Variants in C11orf65 observed in about 807,000 individuals in gnomAD.
C11orf65 encodes chromosome 11 open reading frame 65, also known as protein MFI.
A neutral mutation model predicts 35.3 loss-of-function variants in C11orf65; 38 were observed. The observed-to-expected ratio is 1.08, with a 90% confidence interval of 0.83 to 1.41. C11orf65 has a LOEUF of 1.41. Ranked by LOEUF, C11orf65 falls within the 40% of genes most tolerant of loss-of-function variation. The pLI, the probability that C11orf65 is intolerant of heterozygous loss-of-function variation, is 0.00. For synonymous variants in C11orf65, 105 were observed against 114.4 expected (o/e 0.92, Z 0.53); for missense variants, 370 against 367.1 (o/e 1.01, Z -0.06).
intron 3 of C11orf65, among the ~76,000 whole-genome samples, 182 bp downstream of exon 3, chr11:108,431,564 T>C (rs1374800954): frequency 6.6e-6 from 1 of 152,200 alleles, no homozygotes; most frequent in Non-Finnish European, 1.5e-5. Context: ...GACGGTTACA[T>C]AGGTGTTTGC....
rs1565519254 is a variant in C11orf65 at position 108,325,552 on chromosome 11, C to A, written c.641-16481G>T. 6.3e-7 allele frequency: 1 copy of A among 1,576,348 alleles called. No homozygotes were observed. Among genetic ancestry groups the A allele is most frequent in the Non-Finnish European group, 8.7e-7 (1 of 1,149,930 alleles). ...ACTTTCAAGAACACTCAGGTAAATA[C>A]AATTTAAAACTATGTCATCTTACCT... On this transcript the variant is annotated intron_variant, in intron 6 of 6. Coordinates refer to the C11orf65 transcript ENST00000525729.
At chr11:108,386,466 CA>C (rs1357119102) in intron 7 of C11orf65, among the ~76,000 whole-genome samples, 1 of 152,196 alleles carries the variant, frequency 6.6e-6, no homozygotes, top group Non-Finnish European at 1.5e-5. Context: ...GCTGTCTTTG[CA>C]GTGTCCAGAA....
intron 1 of C11orf65, among the ~76,000 whole-genome samples, chr11:108,462,192 T>G (rs2093481043): frequency 6.6e-6 from 1 of 152,084 alleles, no homozygotes; most frequent in African/African-American, 2.4e-5. Context: ...TACAGGCACA[T>G]GCTACGATGC....
intron 6 of C11orf65, among the ~76,000 whole-genome samples, chr11:108,404,409 T>C (rs2092498637): frequency 6.6e-6 from 1 of 152,072 alleles, no homozygotes; most frequent in Non-Finnish European, 1.5e-5. Flanking sequence ...TTTGATACTT[T>C]TTTTTGTGTT....
At chr11:108,317,658 C>CATATAT (rs2084853769) in intron 6 of C11orf65, 1 of 188,766 alleles carries the variant, frequency 5.3e-6, no homozygotes, top group Non-Finnish European at 9.0e-6. Flanking sequence ...TATATACACA[C>CATATAT]ACACACACAC....
At chr11:108,373,583 C>T (rs1247296563) in intron 2 of C11orf65, among the ~76,000 whole-genome samples, 5 of 152,184 alleles carry the variant, frequency 3.3e-5, no homozygotes, top group African/African-American at 7.2e-5. Context: ...GTCTACAGCT[C>T]CCAGTGTGAG....
intron 2 of C11orf65, among the ~76,000 whole-genome samples, chr11:108,373,900 C>T (rs915362610): frequency 5.9e-5 from 9 of 152,206 alleles, no homozygotes; most frequent in Admixed American, 3.3e-4. Context: ...GAGGGTCCTA[C>T]GCCCACGGAG....
Position 108,431,788 on chromosome 11 carries a change from T to A in C11orf65, c.132A>T (p.Gln44His), listed in dbSNP as rs1591540513. ...ATTTCACTATCTGACGTGGTTCTCC[T>A]TGTCTTCTTAAATCAATCAGACTTT... ...HFKSLIDLRRQGEPRQIVKYI... is the reference protein window; with the variant it reads ...HFKSLIDLRRHGEPRQIVKYI... Residue 44 changes from glutamine to histidine, a missense_variant, in exon 3 of 9, where the codon CAA becomes CAT. Transcript: ENST00000393084. The A allele has an allele frequency of 6.5e-7, 1 of 1,528,468 alleles. No homozygotes were observed. 94.7% of individuals were successfully genotyped at this position (1,528,468 alleles called of 1,614,324 possible).
chr11:108,308,973 A>G, exon 7 of C11orf65: 1 of 1,513,184 alleles, frequency 6.6e-7, no homozygotes, highest in Non-Finnish European at 8.9e-7. Context: ...TTTCAGACTT[A>G]CCATTGGGGT....
chr11:108,430,687 T>C (rs2092974372), intron 3 of C11orf65, among the ~76,000 whole-genome samples: 1 of 151,128 alleles, frequency 6.6e-6, no homozygotes, highest in Non-Finnish European at 1.5e-5. Context: ...CTACTGAAAA[T>C]ACAAAAAATT....
At chr11:108,382,029 A>AGGCCTCCTGCCAACAACTGTTCAAGT (rs2091876791), downstream of C11orf65, among the ~76,000 whole-genome samples, 1 of 152,130 alleles carries the variant, frequency 6.6e-6, no homozygotes, top group Non-Finnish European at 1.5e-5. Context: ...CAAGGAATTG[A>AGGCCTCCTGCCAACAACTGTTCAAGT]GGCCTCCTGC....
chr11:108,346,129 T>G (rs981244158), intron 2 of C11orf65, among the ~76,000 whole-genome samples: 1 of 152,168 alleles, frequency 6.6e-6, no homozygotes, highest in Non-Finnish European at 1.5e-5. Flanking sequence ...ATTCTCCTAC[T>G]TCAATAAATA....
intron 2 of C11orf65, among the ~76,000 whole-genome samples, chr11:108,444,001 A>T (rs2093206985): frequency 6.6e-6 from 1 of 152,206 alleles, no homozygotes; most frequent in Non-Finnish European, 1.5e-5. Flanking sequence ...GAGACACAAA[A>T]AACCCTTCAA....
In C11orf65 at chr11:108,393,154, GA is replaced by G. The variant is rs905371617; in HGVS notation, c.731+53del. On this transcript the variant is annotated intron_variant, in intron 7 of 8. Transcript: ENST00000393084. Reference sequence around the variant, plus strand: ...TTCAACAAGGAAATAGGAAATGTTAGAAAAAAACTATGATGACTGCCCTTGT... The same window carrying G: ...TTCAACAAGGAAATAGGAAATGTTAGAAAAAACTATGATGACTGCCCTTGT... The G allele has an allele frequency of 1.0e-4, 151 of 1,510,566 alleles. No homozygotes were observed. In the Middle Eastern group the frequency reaches 1.6e-3, roughly 16 times the overall value. The allele number at this position is 1,510,566 out of a possible 1,614,324, so 93.6% of individuals were successfully genotyped here. A position where few individuals can be genotyped will look rare whatever the true frequency, so the allele number is the denominator to read the frequency against.
intron 2 of C11orf65, chr11:108,343,432 C>T (rs2136959564): frequency 6.3e-7 from 1 of 1,587,160 alleles, no homozygotes; most frequent in Non-Finnish European, 8.6e-7. Flanking sequence ...TTAAAGCTGA[C>T]AGCTGTCAGA....
chr11:108,431,920 C>T (rs1005557535), intron 2 of C11orf65, 82 bp from the exon 3 acceptor site: 28 of 685,086 alleles, frequency 4.1e-5, no homozygotes, highest in Middle Eastern at 2.9e-4. Context: ...AGGGCAAAAA[C>T]GAATAAAGTA....
chr11:108,358,965 T>C (rs1304217487), intron 2 of C11orf65, among the ~76,000 whole-genome samples: 1 of 151,928 alleles, frequency 6.6e-6, no homozygotes, highest in African/African-American at 2.4e-5. Flanking sequence ...TAAATGTATA[T>C]GGACTAAATG....
chr11:108,354,253 T>C (rs556348676), intron 2 of C11orf65, among the ~76,000 whole-genome samples: 1 of 152,312 alleles, frequency 6.6e-6, no homozygotes, highest in East Asian at 1.9e-4. Context: ...GTAACATACA[T>C]ACTGTTATTC....
intron 6 of C11orf65, among the ~76,000 whole-genome samples, chr11:108,397,869 G>A (rs972699929): frequency 1.3e-5 from 2 of 152,204 alleles, no homozygotes; most frequent in African/African-American, 4.8e-5. Flanking sequence ...CAGAGTCTCT[G>A]CTCTGTAGGG....
Sources: allele counts gnomAD v4.1 joint callset (sites outside exome capture counted in the v4.1 genomes callset), GRCh38; gene constraint gnomAD v4.1.1; transcripts MANE v1.5; gene names NCBI Gene and HGNC (gene_info 2026-07-23, HGNC 2026-07-21).